CENPC: variants seen among roughly 807,000 people sequenced by gnomAD.
The protein encoded by CENPC is centromere protein C, also known as CENP-C 1.
In CENPC, 63 loss-of-function variants were observed where a neutral mutation model predicts 112.1. The observed-to-expected ratio is 0.56, with a 90% CI of 0.46 to 0.69. The LOEUF (loss-of-function observed/expected upper bound fraction) is 0.69. Ranked by LOEUF, CENPC falls within the 30% of genes least tolerant of loss-of-function variation. CENPC has a pLI of 0.00. For synonymous variants in CENPC, 333 were observed against 367.6 expected (o/e 0.91, Z 1.08); for missense variants, 1,000 against 1,103.8 (o/e 0.91, Z 1.33).
chr4:67,519,154 C>T (rs1726144890), intron 6 of CENPC, 63 bp downstream of exon 6: 6 of 1,215,564 alleles, frequency 4.9e-6, no homozygotes, highest in Non-Finnish European at 6.8e-6. Flanking sequence ...ATTGAATTAC[C>T]ATTTTTTAAT....
intron 4 of CENPC, among the ~76,000 whole-genome samples, chr4:67,531,509 G>A (rs1314993836): frequency 3.3e-5 from 5 of 152,154 alleles, no homozygotes; most frequent in African/African-American, 4.8e-5. Flanking sequence ...CACCTGCTGC[G>A]CCAGCCTGCC....
chr4:67,508,691 C>T, intron 10 of CENPC, 123 bp downstream of exon 10: 2 of 828,040 alleles, frequency 2.4e-6, no homozygotes, highest in Non-Finnish European at 3.7e-6. Flanking sequence ...GATTTAATAC[C>T]AGGTATGTCA....
chr4:67,544,175 G>T lies in CENPC; in HGVS notation c.39C>A (p.Tyr13Ter). 1 of 1,566,752 alleles carries T rather than the reference G, an allele frequency of 6.4e-7. No individual in the cohort carries two copies. The highest frequency in any genetic ancestry group is 8.8e-7 in the Non-Finnish European group (1 of 1,138,310). ...ASGLDHLKNGYRRRFCRPSRA... is the reference protein window; with the variant it reads ...ASGLDHLKNG ...TGGAAGGTCGACAAAATCTTCTTCT[G>T]TAGCCATTTTTGAGATGATCCTGAA... Residue 13 changes from tyrosine to a stop codon, truncating the protein, a stop_gained, in exon 2 of 19, where the codon TAC becomes TAA. Coordinates refer to ENST00000273853, the MANE Select transcript of CENPC (RefSeq NM_001812.4). LOFTEE classifies it high-confidence loss of function.
At chr4:67,492,831 A>G in intron 15 of CENPC, 38 bp downstream of exon 15, 11 of 1,498,332 alleles carry the variant, frequency 7.3e-6, no homozygotes, top group South Asian at 4.0e-5. Flanking sequence ...CCTATTTAAA[A>G]TAAAATCTAA....
At chr4:67,509,199 TATACAC>T (rs1191109491) in intron 9 of CENPC, 94 bp from the exon 10 acceptor site, 4 of 630,624 alleles carry the variant, frequency 6.3e-6, no homozygotes, top group Non-Finnish European at 1.1e-5. Flanking sequence ...CATATAAACA[TATACAC>T]ATACACACAC....
chr4:67,518,299 A>T lies in CENPC; in HGVS notation c.687T>A (p.Asp229Glu). 1 of 1,551,254 alleles carries T rather than the reference A, an allele frequency of 6.4e-7. No homozygotes were observed. Among genetic ancestry groups the T allele is most frequent in the East Asian group, 2.4e-5 (1 of 41,658 alleles). The change falls in exon 7 of 19, where the codon GAT becomes GAA. Residue 229 changes from aspartate (D) to glutamate (E), a missense_variant. By Grantham distance (45) the Asp-to-Glu change is conservative. Transcript: ENST00000273853. ...EIDNKVSDEEDKTSEGQERKP... is the reference protein window; with the variant it reads ...EIDNKVSDEEEKTSEGQERKP... ...TTCTTTCTTGTCCTTCCGATGTTTTATCCTCTTCATCTGATACTTTATTAT... is the reference window on the plus strand; with the variant it reads ...TTCTTTCTTGTCCTTCCGATGTTTTTTCCTCTTCATCTGATACTTTATTAT...
At chr4:67,531,812 T>G (rs375329216) in intron 4 of CENPC, among the ~76,000 whole-genome samples, 2 of 152,172 alleles carry the variant, frequency 1.3e-5, no homozygotes, top group Non-Finnish European at 2.9e-5. Context: ...GACCCAGCTG[T>G]GTATCCTGGC....
intron 5 of CENPC, among the ~76,000 whole-genome samples, chr4:67,526,116 T>C (rs1368201524): frequency 1.3e-5 from 2 of 151,802 alleles, no homozygotes; most frequent in Non-Finnish European, 2.9e-5. Flanking sequence ...AGTAGAACAA[T>C]GAGAACATAT....
intron 5 of CENPC, among the ~76,000 whole-genome samples, chr4:67,527,665 A>G (rs1726424354): frequency 6.6e-6 from 1 of 151,678 alleles, no homozygotes; most frequent in Admixed American, 6.6e-5. Context: ...TGCACAAGCT[A>G]AATTTTTGTG....
chr4:67,509,207 T>C (rs924416870), intron 9 of CENPC, 102 bp from the exon 10 acceptor site: 66 of 486,084 alleles, frequency 1.4e-4, no homozygotes, highest in South Asian at 1.8e-4. Flanking sequence ...CATATACACA[T>C]ACACACACAC....
In CENPC at chr4:67,469,369, C is replaced by CA. The variant is rs1447608384; in HGVS notation, c.*3235dup. On this transcript the variant is annotated 3_prime_UTR_variant, in exon 19 of 19. Coordinates refer to ENST00000273853, the MANE Select transcript of CENPC (RefSeq NM_001812.4). ...ATTCTTTTGTTTTCTTTTTTTGAGTCAGAGTCTTGCTCGGCTGCCCAGCCT... is the reference window on the plus strand; with the variant it reads ...ATTCTTTTGTTTTCTTTTTTTGAGTCAAGAGTCTTGCTCGGCTGCCCAGCCT... 1 of 152,072 alleles carries CA rather than the reference C, an allele frequency of 6.6e-6. No homozygotes were observed. The highest frequency in any genetic ancestry group is 2.4e-5 in the African/African-American group (1 of 41,432). The allele number at this position is 152,072 out of a possible 1,614,324, so 9.4% of individuals were successfully genotyped here.
intron 9 of CENPC, chr4:67,512,055 C>G (rs1577991168): frequency 5.7e-6 from 1 of 176,974 alleles, no homozygotes; most frequent in Non-Finnish European, 1.2e-5. Flanking sequence ...TTATAAACTC[C>G]TTGGTGGCAG....
chr4:67,485,111 A>G (rs1156749033), intron 17 of CENPC, among the ~76,000 whole-genome samples: 2 of 152,094 alleles, frequency 1.3e-5, no homozygotes, highest in Non-Finnish European at 2.9e-5. Flanking sequence ...TATCACCTAC[A>G]CTAAAAAAAT....
At chr4:67,477,063 C>T (rs1262155484) in intron 17 of CENPC, among the ~76,000 whole-genome samples, 4 of 152,144 alleles carry the variant, frequency 2.6e-5, no homozygotes, top group Admixed American at 6.5e-5. Context: ...ATCCTACCTG[C>T]ACCTGATGGT....
At position 67,545,405 on chromosome 4, in the gene CENPC, G is replaced by T; in HGVS notation, c.-50C>A. 1 of 1,469,296 alleles carries T rather than the reference G, an allele frequency of 6.8e-7. No homozygotes were observed. The allele number at this position is 1,469,296 out of a possible 1,614,324, so 91.0% of individuals were successfully genotyped here. ...AACTGTCTGAGGTGGAAGCCCACAC[G>T]GACCACAGCTCCAGGAAGCCGAGCA... On this transcript the variant is annotated 5_prime_UTR_variant, in exon 1 of 19. Coordinates refer to ENST00000273853, the MANE Select transcript of CENPC (RefSeq NM_001812.4).
chr4:67,506,144 A>T (rs1028201670), intron 11 of CENPC, among the ~76,000 whole-genome samples: 6 of 152,168 alleles, frequency 3.9e-5, no homozygotes, highest in Non-Finnish European at 8.8e-5. Context: ...TTCATTTTTT[A>T]AAAGGTTATA....
chr4:67,510,682 G>T, intron 9 of CENPC: 2 of 241,284 alleles, frequency 8.3e-6, no homozygotes, highest in Non-Finnish European at 8.3e-6. Context: ...CCTCATTCCT[G>T]CCCCATGGCA....
chr4:67,544,426 G>A (rs1726970545), intron 1 of CENPC, among the ~76,000 whole-genome samples: 1 of 152,070 alleles, frequency 6.6e-6, no homozygotes, highest in African/African-American at 2.4e-5. Context: ...CAGTGAGAAT[G>A]GCTTTATTGC....
Position 67,488,388 on chromosome 4 carries a change from C to A in CENPC, c.2670+1579G>T, listed in dbSNP as rs537586355. Among the ~76,000 whole-genome samples, 121 of 152,062 alleles carry A rather than the reference C, an allele frequency of 8.0e-4. 2 individuals are homozygous for A. The highest frequency in any genetic ancestry group is 2.8e-3 in the African/African-American group (118 of 41,540). On this transcript the variant is annotated intron_variant, in intron 17 of 18. Transcript: ENST00000273853. Reference sequence around the variant, plus strand: ...CACATTGTAGTGGTTTCTAATTCTGCAATTACCATCAATGATTCAATAAAT... The same window carrying A: ...CACATTGTAGTGGTTTCTAATTCTGAAATTACCATCAATGATTCAATAAAT...
Sources: gnomAD v4.1 joint callset for allele counts (sites outside exome capture counted in the v4.1 genomes callset) on GRCh38, gnomAD v4.1.1 for gene constraint, MANE v1.5 for transcripts, NCBI Gene and HGNC (gene_info 2026-07-23, HGNC 2026-07-21) for gene names.